The following CUBN variants were observed in gnomAD, a reference collection of about 807,000 sequenced individuals.
CUBN encodes 460 kDa receptor.
Under a neutral mutation model 405.3 loss-of-function variants are expected in CUBN, and 282 were observed. That is an observed-to-expected ratio of 0.70 (90% CI 0.63 to 0.77). The LOEUF (loss-of-function observed/expected upper bound fraction) is 0.77, where lower values mean the gene tolerates loss of function less well. Ranked by LOEUF, CUBN falls within the 30% of genes least tolerant of loss-of-function variation. CUBN has a pLI of 0.00. For missense variants in CUBN, 4,514 were observed against 4,475.2 expected (o/e 1.01, Z -0.25); for synonymous variants, 1,684 against 1,617.0 (o/e 1.04, Z -0.99).
chr10:16,847,480 TAA>T (rs11353625), intron 60 of CUBN, among the ~76,000 whole-genome samples: 3 of 148,074 alleles, frequency 2.0e-5, no homozygotes, highest in East Asian at 2.0e-4. Context: ...AGACTCCAAC[TAA>T]AAAAAAAAAT....
chr10:16,895,699 TA>T (rs1306632326), intron 54 of CUBN, among the ~76,000 whole-genome samples: 3 of 152,168 alleles, frequency 2.0e-5, no homozygotes, highest in Non-Finnish European at 4.4e-5. Flanking sequence ...TCATCAGATA[TA>T]AATATATCCA....
At chr10:16,855,286 C>A (rs1003036421) in intron 59 of CUBN, among the ~76,000 whole-genome samples, 12 of 151,936 alleles carry the variant, frequency 7.9e-5, no homozygotes, top group African/African-American at 2.9e-4. Flanking sequence ...TCTCTTTGCA[C>A]TGCACTAAAA....
At chr10:16,841,416 C>T (rs978044406) in intron 60 of CUBN, among the ~76,000 whole-genome samples, 4 of 152,128 alleles carry the variant, frequency 2.6e-5, no homozygotes, top group Non-Finnish European at 2.9e-5. Flanking sequence ...TGATTCTGCT[C>T]GTGTTCCTCT....
At chr10:17,076,931 G>T (rs558382746) in intron 17 of CUBN, among the ~76,000 whole-genome samples, 14 of 152,230 alleles carry the variant, frequency 9.2e-5, no homozygotes, top group African/African-American at 2.6e-4. Flanking sequence ...TATTGTTTTT[G>T]ATTTTTCTGG....
At chr10:17,055,314 T>G (rs1835366196) in intron 22 of CUBN, among the ~76,000 whole-genome samples, 1 of 151,946 alleles carries the variant, frequency 6.6e-6, no homozygotes, top group Admixed American at 6.6e-5. Context: ...ACATCATACT[T>G]AAGTGGTAAA....
intron 28 of CUBN, among the ~76,000 whole-genome samples, chr10:17,008,867 C>T (rs890623905): frequency 6.6e-6 from 1 of 152,122 alleles, no homozygotes; most frequent in African/African-American, 2.4e-5. Context: ...CTCTGTGTCC[C>T]CCGTCTCAGC....
rs1480798009 is a variant in CUBN, at chr10:16,840,362, G to A, written c.10000C>T (p.Gln3334Ter). 6.2e-7 allele frequency: 1 copy of A among 1,614,142 alleles called. No homozygotes were observed. Residue 3334 changes from glutamine (Q) to a stop codon, truncating the protein, a stop_gained, in exon 62 of 67, where the codon CAG becomes TAG. Coordinates refer to ENST00000377833, the MANE Select transcript of CUBN (RefSeq NM_001081.4). LOFTEE classifies it high-confidence loss of function. Reference sequence around the variant, plus strand: ...GAGTCCTGAAGCTGTAAGTAATTCTGCGTGCAGTCTTGCGAGGTCAGCTGT... The same window carrying A: ...GAGTCCTGAAGCTGTAAGTAATTCTACGTGCAGTCTTGCGAGGTCAGCTGT... ...ALQLTSQDCT[Q>*]NYLQLQDSPQ... is the part of the protein sequence containing the mutation.
At chr10:17,031,719 A>T (rs139612890) in intron 27 of CUBN, among the ~76,000 whole-genome samples, 120 of 152,362 alleles carry the variant, frequency 7.9e-4, no homozygotes, top group African/African-American at 2.8e-3. Context: ...CCTCTAGAAC[A>T]ATAGAAAGCA....
intron 27 of CUBN, among the ~76,000 whole-genome samples, chr10:17,036,115 A>G (rs1834891819): frequency 6.6e-6 from 1 of 152,284 alleles, no homozygotes; most frequent in Middle Eastern, 3.4e-3. Flanking sequence ...ATCACCGGCT[A>G]GAGGGCTTGG....
intron 2 of CUBN, among the ~76,000 whole-genome samples, chr10:17,128,378 G>A (rs76209160): frequency 0.035 from 5,258 of 152,276 alleles, 292 homozygotes; most frequent in African/African-American, 0.12. Flanking sequence ...ACGGTGCTAA[G>A]CACAGTGGAT....
rs1187157231 is a variant in CUBN at position 17,088,447 on chromosome 10, A to G, written c.1766-102T>C. 4.4e-6 allele frequency: 4 copies of G among 910,678 alleles called. No individual in the cohort carries two copies. In the East Asian group the frequency reaches 1.0e-4, roughly 24 times the overall value. The allele number at this position is 910,678 out of a possible 1,614,324, so 56.4% of individuals were successfully genotyped here. On this transcript the variant is annotated intron_variant, in intron 14 of 66. Transcript: ENST00000377833. ...TAAGAAGCCAAACTTTGTTTAAATAACTATGAGCAGTTTTAGACACCCTCA... is the reference window on the plus strand; with the variant it reads ...TAAGAAGCCAAACTTTGTTTAAATAGCTATGAGCAGTTTTAGACACCCTCA...
At chr10:16,939,273 C>G in intron 37 of CUBN, 126 bp from the exon 38 acceptor site, 1 of 792,128 alleles carries the variant, frequency 1.3e-6, no homozygotes, top group Admixed American at 2.0e-5. Flanking sequence ...TCTTTTCTGA[C>G]TAGGGAAAGA....
intron 27 of CUBN, among the ~76,000 whole-genome samples, chr10:17,035,968 G>A (rs1345763148): frequency 1.3e-5 from 2 of 151,734 alleles, no homozygotes; most frequent in Non-Finnish European, 2.9e-5. Flanking sequence ...TAAGTTCAGG[G>A]TATGTGTACT....
At chr10:16,864,869 C>T (rs949584553) in intron 59 of CUBN, among the ~76,000 whole-genome samples, 3 of 149,814 alleles carry the variant, frequency 2.0e-5, no homozygotes, top group Admixed American at 6.6e-5. Flanking sequence ...AAGCTGGCCT[C>T]GAACTCCCGA....
intron 64 of CUBN, among the ~76,000 whole-genome samples, chr10:16,832,285 A>C (rs556088209): frequency 1.3e-4 from 20 of 152,312 alleles, no homozygotes; most frequent in Admixed American, 3.3e-4. Flanking sequence ...TGATCTATGT[A>C]TTCAAAATAT....
intron 64 of CUBN, among the ~76,000 whole-genome samples, chr10:16,832,906 T>C (rs964176808): frequency 6.6e-6 from 1 of 152,214 alleles, no homozygotes; most frequent in African/African-American, 2.4e-5. Context: ...CAAGAAACTA[T>C]GCCCACAGCC....
chr10:17,025,683 G>T (rs943638711), intron 27 of CUBN, among the ~76,000 whole-genome samples: 4 of 152,158 alleles, frequency 2.6e-5, no homozygotes, highest in African/African-American at 9.7e-5. Flanking sequence ...AACAGGAGCT[G>T]ACTCACATAA....
chr10:16,859,097 T>C (rs145213948), intron 59 of CUBN, among the ~76,000 whole-genome samples: 1 of 152,072 alleles, frequency 6.6e-6, no homozygotes, highest in African/African-American at 2.4e-5. Flanking sequence ...AAAAACATGA[T>C]CTATAAAAGA....
chr10:16,940,355 C>T, intron 36 of CUBN, 118 bp from the exon 37 acceptor site: 2 of 986,406 alleles, frequency 2.0e-6, no homozygotes, highest in Non-Finnish European at 3.1e-6. Flanking sequence ...TAACTTTGAT[C>T]ACAACATTAT....
Sources: allele counts gnomAD v4.1 joint callset (sites outside exome capture counted in the v4.1 genomes callset), GRCh38; gene constraint gnomAD v4.1.1; transcripts MANE v1.5; gene names NCBI Gene and HGNC (gene_info 2026-07-23, HGNC 2026-07-21).